Variants in PDZD2 observed in about 807,000 individuals in gnomAD.
PDZD2 encodes the protein PDZ domain-containing protein 2.
PDZD2 carries 90 observed loss-of-function variants against 220.7 expected under a neutral mutation model. That is an observed-to-expected ratio of 0.41 (90% CI 0.34 to 0.49). The LOEUF (loss-of-function observed/expected upper bound fraction) is 0.49, where lower values mean the gene tolerates loss of function less well. PDZD2 is among the 20% of genes least tolerant of loss of function. The pLI, the probability that PDZD2 is intolerant of heterozygous loss-of-function variation, is 0.28. For synonymous variants in PDZD2, 1,375 were observed against 1,450.5 expected (o/e 0.95, Z 1.18); for missense variants, 3,174 against 3,608.5 (o/e 0.88, Z 3.08).
rs147675955 is a variant in PDZD2 at position 31,973,051 on chromosome 5, A to G, written c.477-10104A>G. On this transcript the variant is annotated intron_variant, in intron 2 of 24. Coordinates refer to ENST00000438447, the MANE Select transcript of PDZD2 (RefSeq NM_178140.4). The stretch of plus-strand genomic sequence containing the variant: ...TTTATAAAATCAGTTCTCATTGTTG[A>G]TCAAGAATTTTCTGCTTCATTTAGC... Among the ~76,000 whole-genome samples the G allele has an allele frequency of 3.3e-4, 50 of 152,334 alleles. No individual in the cohort carries two copies. In the East Asian group the frequency reaches 9.4e-3, roughly 29 times the overall value.
chr5:31,966,986 G>A (rs1042400559), intron 2 of PDZD2, among the ~76,000 whole-genome samples: 33 of 152,342 alleles, frequency 2.2e-4, no homozygotes, highest in East Asian at 7.7e-4. Flanking sequence ...TGTTGATGGG[G>A]ATAGTCATTT....
At chr5:31,779,409 TG>T (rs1752926681) in intron 1 of PDZD2, among the ~76,000 whole-genome samples, 1 of 140,910 alleles carries the variant, frequency 7.1e-6, no homozygotes, top group African/African-American at 2.6e-5. Context: ...GGAGTCTTGC[TG>T]GTCGCCCAGG....
intron 24 of PDZD2, chr5:32,104,075 T>C (rs147363842): frequency 4.6e-5 from 7 of 152,326 alleles, no homozygotes; most frequent in African/African-American, 1.4e-4. Flanking sequence ...CTGAGTATGA[T>C]ACGGCAGATC....
chr5:31,847,822 A>G (rs1027219076), intron 2 of PDZD2: 23 of 559,730 alleles, frequency 4.1e-5, no homozygotes, highest in African/African-American at 3.4e-4. Context: ...TGATTCTGAA[A>G]GCAAGGAACT....
rs1428605698 is a variant in PDZD2 at position 32,057,736 on chromosome 5, C to A, written c.1974+8C>A. 4 of 1,544,020 alleles carry A rather than the reference C, an allele frequency of 2.6e-6. No homozygotes were observed. The highest frequency in any genetic ancestry group is 1.7e-5 in the Admixed American group (1 of 59,206). On this transcript the variant is annotated splice_region_variant and intron_variant, in intron 11 of 24. Transcript: ENST00000438447. ...GCCATTCATACCTTTAAGGTAACAA[C>A]ATTCTTATTGATCTCCTTTATCCTA...
intron 2 of PDZD2, among the ~76,000 whole-genome samples, chr5:31,912,253 G>A (rs1743273224): frequency 6.6e-6 from 1 of 152,184 alleles, no homozygotes; most frequent in African/African-American, 2.4e-5. Context: ...CATAGACGGT[G>A]CCTTCTTGCT....
At chr5:31,836,322 C>T (rs1256561484) in intron 2 of PDZD2, among the ~76,000 whole-genome samples, 2 of 150,902 alleles carry the variant, frequency 1.3e-5, no homozygotes, top group Admixed American at 6.6e-5. Flanking sequence ...ACCTCCACCT[C>T]CAGGGTTCAG....
intron 7 of PDZD2, among the ~76,000 whole-genome samples, chr5:32,043,827 G>A (rs1345724446): frequency 4.0e-5 from 6 of 151,838 alleles, no homozygotes; most frequent in Non-Finnish European, 8.8e-5. Context: ...GGGTTTCACT[G>A]CGTTGGCCAG....
intron 1 of PDZD2, among the ~76,000 whole-genome samples, chr5:31,713,056 A>G (rs973496859): frequency 2.0e-5 from 3 of 152,242 alleles, no homozygotes; most frequent in Non-Finnish European, 4.4e-5. Context: ...GACTTTGTCA[A>G]GCTTCAGTGC....
chr5:31,652,144 G>GTTTT (rs1217009987), intron 1 of PDZD2, among the ~76,000 whole-genome samples: 4 of 78,668 alleles, frequency 5.1e-5, no homozygotes, highest in Non-Finnish European at 1.1e-4. Context: ...GTTTTTTTTT[G>GTTTT]TTTTTTGTTT....
intron 4 of PDZD2, among the ~76,000 whole-genome samples, chr5:31,999,264 G>A (rs561004950): frequency 7.2e-6 from 1 of 138,710 alleles, no homozygotes; most frequent in Non-Finnish European, 1.5e-5. Flanking sequence ...TTTGGGGGGG[G>A]CGGGTGGCGG....
intron 2 of PDZD2, chr5:31,848,062 C>T: frequency 1.1e-5 from 4 of 361,668 alleles, no homozygotes; most frequent in Admixed American, 6.4e-5. Flanking sequence ...AGAGGTGGAA[C>T]TATCCCAAAA....
At chr5:32,024,291 C>T (rs1259962942) in intron 6 of PDZD2, among the ~76,000 whole-genome samples, 1 of 152,160 alleles carries the variant, frequency 6.6e-6, no homozygotes, top group African/African-American at 2.4e-5. Context: ...TTGCCATCAT[C>T]CCTCAAGCCG....
chr5:31,910,821 C>T (rs1004283699), intron 2 of PDZD2, among the ~76,000 whole-genome samples: 14 of 152,234 alleles, frequency 9.2e-5, no homozygotes, highest in South Asian at 6.2e-4. Context: ...TGAGCCACCA[C>T]GCCCAGCCAG....
intron 12 of PDZD2, among the ~76,000 whole-genome samples, chr5:32,058,760 T>C (rs1328911375): frequency 1.3e-5 from 2 of 152,094 alleles, no homozygotes; most frequent in Non-Finnish European, 1.5e-5. Context: ...TAGTTAAGTG[T>C]ACAGTTAACA....
At chr5:31,954,857 A>AACCC (rs1450867811) in intron 2 of PDZD2, among the ~76,000 whole-genome samples, 1 of 151,986 alleles carries the variant, frequency 6.6e-6, no homozygotes, top group Non-Finnish European at 1.5e-5. Context: ...AATCGCTTGA[A>AACCC]ACCCGGGAGG....
At chr5:31,791,282 T>A (rs1753708612) in intron 1 of PDZD2, among the ~76,000 whole-genome samples, 1 of 152,026 alleles carries the variant, frequency 6.6e-6, no homozygotes, top group South Asian at 2.1e-4. Flanking sequence ...AGCTGTAGAC[T>A]TTGCTGAGAG....
chr5:31,807,027 C>T (rs1196791035), intron 2 of PDZD2, among the ~76,000 whole-genome samples: 2 of 151,634 alleles, frequency 1.3e-5, no homozygotes, highest in African/African-American at 2.4e-5. Flanking sequence ...CTCCACCTCC[C>T]GGGTTTAAGT....
chr5:31,952,768 A>G (rs1006412377), intron 2 of PDZD2, among the ~76,000 whole-genome samples: 2 of 152,212 alleles, frequency 1.3e-5, no homozygotes, highest in African/African-American at 4.8e-5. Flanking sequence ...TTTGAAAAAT[A>G]AGAATAGCAG....
Sources: gnomAD v4.1 joint callset for allele counts (sites outside exome capture counted in the v4.1 genomes callset) on GRCh38, gnomAD v4.1.1 for gene constraint, MANE v1.5 for transcripts, NCBI Gene and HGNC (gene_info 2026-07-23, HGNC 2026-07-21) for gene names.